SPDYE3: variants seen among roughly 807,000 people sequenced by gnomAD.
SPDYE3 encodes speedy/RINGO cell cycle regulator family member E3.
Under a neutral mutation model 55.0 loss-of-function variants are expected in SPDYE3, and 15 were observed. The observed-to-expected ratio is 0.27, with a 90% CI of 0.18 to 0.42. SPDYE3 has a LOEUF of 0.42. Among genes scored for constraint, SPDYE3 ranks in the 10% least tolerant of loss-of-function variants. The pLI is 1.00. For missense variants in SPDYE3, 236 were observed against 576.7 expected (o/e 0.41, Z 6.05); for synonymous variants, 89 against 229.9 (o/e 0.39, Z 5.55).
At position 100,307,986 on chromosome 7, in the gene SPDYE3, C is replaced by T. The variant is rs1192860285; in HGVS notation, c.101C>T (p.Pro34Leu). ...GTGGTGGATGATGAAGTGTCGGGAC[C>T]ATCAGGTGAGGGGACTGGAGGAAGA... ...QEVVDDEVSG[P>L]SAPGVDPSPP... Residue 34 changes from proline to leucine, a missense_variant, in exon 1 of 11, where the codon CCA becomes CTA. Physicochemically the swap from Pro to Leu is moderately conservative, Grantham distance 98 (BLOSUM62 -3). Transcript: ENST00000332397. The T allele has an allele frequency of 6.4e-7, 1 of 1,553,662 alleles. No individual in the cohort carries two copies. The highest frequency in any genetic ancestry group is 1.9e-5 in the Admixed American group (1 of 52,434).
At chr7:100,308,507 G>C (rs1455187717) in intron 1 of SPDYE3, among the ~76,000 whole-genome samples, 2 of 149,272 alleles carry the variant, frequency 1.3e-5, no homozygotes, top group African/African-American at 4.9e-5. Context: ...CCAAGAGTTT[G>C]AGACCAGCCT....
In SPDYE3 at chr7:100,307,709, G is replaced by A. The variant is rs1435040729; in HGVS notation, c.-177G>A. 5.2e-5 allele frequency: 72 copies of A among 1,386,080 alleles called. No homozygotes were observed. In the East Asian group the frequency reaches 8.9e-4, roughly 17 times the overall value. The allele number at this position is 1,386,080 out of a possible 1,614,324, so 85.9% of individuals were successfully genotyped here. On this transcript the variant is annotated 5_prime_UTR_variant, in exon 1 of 11. Coordinates refer to ENST00000332397, the MANE Select transcript of SPDYE3 (RefSeq NM_001004351.5). ...CTGATTGGAAGGACCGGACTCTGTC[G>A]GCGCCTGGCAGTTCAGGTGAACAAC...
At chr7:100,318,798 G>A (rs1007220940) in intron 8 of SPDYE3, among the ~76,000 whole-genome samples, 5 of 149,616 alleles carry the variant, frequency 3.3e-5, no homozygotes, top group Non-Finnish European at 7.4e-5. Flanking sequence ...ATAGCTCACC[G>A]CAGCCTCCAT....
chr7:100,315,967 T>C, intron 7 of SPDYE3, 124 bp downstream of exon 7: 2 of 1,475,230 alleles, frequency 1.4e-6, no homozygotes, highest in Non-Finnish European at 9.3e-7. Context: ...GTTTTTTTTG[T>C]TTTTGTTTTT....
In SPDYE3 at chr7:100,316,100, A is replaced by G. The variant is rs538627469; in HGVS notation, c.1260+257A>G. On this transcript the variant is annotated intron_variant, in intron 7 of 10. Transcript: ENST00000332397. Reference sequence around the variant, plus strand: ...GATTCTCCTGCCTCAGCCTCCAAGCAGCTGGGATTACAAACGTGAACCACC... The same window carrying G: ...GATTCTCCTGCCTCAGCCTCCAAGCGGCTGGGATTACAAACGTGAACCACC... 3.1e-3 allele frequency among the ~76,000 whole-genome samples: 471 copies of G among 152,212 alleles called. 3 individuals are homozygous for G. The highest frequency in any genetic ancestry group is 0.013 in the South Asian group (63 of 4,820).
chr7:100,307,750 C>T lies in SPDYE3; in HGVS notation c.-136C>T. On this transcript the variant is annotated 5_prime_UTR_variant, in exon 1 of 11. Transcript: ENST00000332397. ...GGTGAACAACAGTAACTTCTCAGAG[C>T]TGTTCTCCACTCCTGACTTCTCCCA... is the stretch of plus-strand genomic sequence containing the variant. The T allele has an allele frequency of 7.1e-7, 1 of 1,401,104 alleles. No individual in the cohort carries two copies. Among genetic ancestry groups the T allele is most frequent in the Non-Finnish European group, 9.4e-7 (1 of 1,059,444 alleles). 86.8% of individuals were successfully genotyped at this position (1,401,104 alleles called of 1,614,324 possible).
rs1309603639 is a variant in SPDYE3 at position 100,315,913 on chromosome 7, A to G, written c.1260+70A>G. On this transcript the variant is annotated intron_variant, in intron 7 of 10. Coordinates refer to ENST00000332397, the MANE Select transcript of SPDYE3 (RefSeq NM_001004351.5). ...GCCAGGGGGAGGGCGCAGCTTCCAA[A>G]CCCACAGTTCTCCCTCCACCACCTC... 22 of 1,591,970 alleles carry G rather than the reference A, an allele frequency of 1.4e-5. 1 individual carries two copies. The highest frequency in any genetic ancestry group is 4.5e-4 in the Middle Eastern group (2 of 4,470).
chr7:100,319,313 G>C (rs1446144496), intron 8 of SPDYE3, among the ~76,000 whole-genome samples: 1 of 152,238 alleles, frequency 6.6e-6, no homozygotes, highest in African/African-American at 2.4e-5. Context: ...CTCCCAGTGT[G>C]CTGGGATTCC....
chr7:100,308,069 C>A lies in SPDYE3; in HGVS notation c.106+78C>A, dbSNP rs1407539648. On this transcript the variant is annotated intron_variant, in intron 1 of 10. Coordinates refer to ENST00000332397, the MANE Select transcript of SPDYE3 (RefSeq NM_001004351.5). ...AGGGGGCCAGGTGCGGTAGCTCACC[C>A]CTGTAACACCAACACTTTGGGAGGC... 3.4e-6 allele frequency: 5 copies of A among 1,453,508 alleles called. No individual in the cohort carries two copies. The Admixed American group carries it at 8.7e-5, about 25-fold the overall frequency. The allele number at this position is 1,453,508 out of a possible 1,614,324, so 90.0% of individuals were successfully genotyped here.
chr7:100,319,484 C>T (rs776849530), intron 8 of SPDYE3, 81 bp from the exon 9 acceptor site: 6 of 1,605,744 alleles, frequency 3.7e-6, no homozygotes, highest in Non-Finnish European at 5.1e-6. Flanking sequence ...CGGTCCCTTA[C>T]CTTCCTCTCT....
At chr7:100,315,042 C>G (rs1806064844) in intron 6 of SPDYE3, among the ~76,000 whole-genome samples, 1 of 149,516 alleles carries the variant, frequency 6.7e-6, no homozygotes, top group Non-Finnish European at 1.5e-5. Flanking sequence ...TGCTTGAACT[C>G]AGGACTTTGA....
rs558762153 is a variant in SPDYE3 at position 100,318,290 on chromosome 7, C to A, written c.1346+1135C>A. Among the ~76,000 whole-genome samples, 4 of 152,254 alleles carry A rather than the reference C, an allele frequency of 2.6e-5. No individual in the cohort carries two copies. In the East Asian group the frequency reaches 7.7e-4, roughly 29 times the overall value. ...GCAGCCTGAACATCTTTCCAAAGCA[C>A]GACAACCTCACTGCCCACCTGAACA... On this transcript the variant is annotated intron_variant, in intron 8 of 10. Coordinates refer to ENST00000332397, the MANE Select transcript of SPDYE3 (RefSeq NM_001004351.5).
chr7:100,315,972 G>T, intron 7 of SPDYE3, 129 bp downstream of exon 7: 3 of 1,483,488 alleles, frequency 2.0e-6, no homozygotes, highest in South Asian at 1.2e-5. Context: ...TTTTGTTTTT[G>T]TTTTTGTTTT....
rs1203159417 is a variant in SPDYE3 at position 100,312,551 on chromosome 7, G to A, written c.763+583G>A. Among the ~76,000 whole-genome samples the A allele has an allele frequency of 2.2e-5, 3 of 136,842 alleles. 1 individual carries two copies. The highest frequency in any genetic ancestry group is 3.2e-5 in the Non-Finnish European group (2 of 62,186). The allele number at this position is 136,842 out of a possible 152,430, so 89.8% of individuals were successfully genotyped here. On this transcript the variant is annotated intron_variant, in intron 4 of 10. Transcript: ENST00000332397. ...AAAAAGAAGGGTCAGAGGTCAGGAA[G>A]GAGAACCTGGGGAGGGTGTGTGGGA...
In SPDYE3 at chr7:100,321,330, A is replaced by G. The variant is rs1563096094; in HGVS notation, c.*485A>G. 3.1e-6 allele frequency: 1 copy of G among 317,802 alleles called. No individual in the cohort carries two copies. The highest frequency in any genetic ancestry group is 2.2e-5 in the African/African-American group (1 of 45,240). 19.7% of individuals were successfully genotyped at this position (317,802 alleles called of 1,614,324 possible). On this transcript the variant is annotated 3_prime_UTR_variant, in exon 11 of 11. Coordinates refer to ENST00000332397, the MANE Select transcript of SPDYE3 (RefSeq NM_001004351.5). ...ACAGATAGCTTCATGCACACTATGC[A>G]TTTTATTGGTTTGTTTGGAAAATGT...
At position 100,307,751 on chromosome 7, in the gene SPDYE3, T is replaced by G. The variant is rs1178971866; in HGVS notation, c.-135T>G. ...GTGAACAACAGTAACTTCTCAGAGCTGTTCTCCACTCCTGACTTCTCCCAG... is the reference window on the plus strand; with the variant it reads ...GTGAACAACAGTAACTTCTCAGAGCGGTTCTCCACTCCTGACTTCTCCCAG... On this transcript the variant is annotated 5_prime_UTR_variant, in exon 1 of 11. Transcript: ENST00000332397. 1.4e-6 allele frequency: 2 copies of G among 1,404,496 alleles called. No individual in the cohort carries two copies. Among genetic ancestry groups the G allele is most frequent in the African/African-American group, 2.9e-5 (2 of 69,316 alleles). 87.0% of individuals were successfully genotyped at this position (1,404,496 alleles called of 1,614,324 possible).
intron 3 of SPDYE3, among the ~76,000 whole-genome samples, chr7:100,311,152 G>GGT (rs1805947058): frequency 1.0e-5 from 1 of 97,796 alleles, no homozygotes; most frequent in African/African-American, 4.4e-5. Flanking sequence ...AAGGGTCAGA[G>GGT]GTCAGGAAGG....
rs1805856125 is a variant in SPDYE3, at chr7:100,307,795, C to A, written c.-91C>A. ...CTCCCAGCCTCGAGAATTGATAACA[C>A]ACTCTTCTGGATCCCAGCAGTGTCC... On this transcript the variant is annotated 5_prime_UTR_variant, in exon 1 of 11. Coordinates refer to ENST00000332397, the MANE Select transcript of SPDYE3 (RefSeq NM_001004351.5). 4 of 1,462,860 alleles carry A rather than the reference C, an allele frequency of 2.7e-6. No homozygotes were observed. Among genetic ancestry groups the A allele is most frequent in the Admixed American group, 2.3e-5 (1 of 43,148 alleles). 90.6% of individuals were successfully genotyped at this position (1,462,860 alleles called of 1,614,324 possible). A position where few individuals can be genotyped will look rare whatever the true frequency, so the allele number is the denominator to read the frequency against.
In SPDYE3 at chr7:100,319,776, A is replaced by C. The variant is rs749454523; in HGVS notation, c.1558A>C (p.Arg520=). 5 of 1,539,438 alleles carry C rather than the reference A, an allele frequency of 3.2e-6. No homozygotes were observed. In the South Asian group the frequency reaches 5.6e-5, roughly 17 times the overall value. The part of the protein sequence containing the change: ...RFQFFCSMRC[R]AWVSPEELEE... ...CCAGTTCTTCTGTTCCATGCGCTGC[A>C]GGGCTTGGGTTTCCCCGGAGGAGTT... Residue 520 remains arginine, a synonymous_variant, in exon 9 of 11, where the codon AGG becomes CGG. Transcript: ENST00000332397.
Sources: gnomAD v4.1 joint callset for allele counts (sites outside exome capture counted in the v4.1 genomes callset) on GRCh38, gnomAD v4.1.1 for gene constraint, MANE v1.5 for transcripts, NCBI Gene and HGNC (gene_info 2026-07-23, HGNC 2026-07-21) for gene names.